C11orf87: variants seen among roughly 807,000 people sequenced by gnomAD.
The protein encoded by C11orf87 is uncharacterized protein C11orf87.
C11orf87 carries 3 observed loss-of-function variants against 9.2 expected under a neutral mutation model. That is an observed-to-expected ratio of 0.33 (90% CI 0.15 to 0.84). The LOEUF is 0.84. Ranked by LOEUF, C11orf87 falls within the 40% of genes least tolerant of loss-of-function variation. The pLI is 0.55. For synonymous variants in C11orf87, 124 were observed against 124.6 expected (o/e 1.00, Z 0.03); for missense variants, 256 against 270.7 (o/e 0.95, Z 0.38).
chr11:109,424,296 C>A lies in C11orf87; in HGVS notation c.*69C>A. 1 of 1,277,084 alleles carries A rather than the reference C, an allele frequency of 7.8e-7. No individual in the cohort carries two copies. The highest frequency in any genetic ancestry group is 1.3e-5 in the South Asian group (1 of 75,074). The allele number at this position is 1,277,084 out of a possible 1,614,324, so 79.1% of individuals were successfully genotyped here. A position where few individuals can be genotyped will look rare whatever the true frequency, so the allele number is the denominator to read the frequency against. ...TGCCACCCTTGCTTTTTTCCTTCTT[C>A]CTTCCTTTTCCATTTTCCTCTGGCC... On this transcript the variant is annotated 3_prime_UTR_variant, in exon 2 of 2. Coordinates refer to ENST00000327419, the MANE Select transcript of C11orf87 (RefSeq NM_207645.4). This position sits in a 1 kb window ranked among gnomAD's most constrained non-coding sequence, Gnocchi z 4.7.
At position 109,423,503 on chromosome 11, in the gene C11orf87, C is replaced by T; in HGVS notation, c.-131C>T. The T allele has an allele frequency of 2.1e-6, 2 of 945,236 alleles. No homozygotes were observed. The allele number at this position is 945,236 out of a possible 1,614,324, so 58.6% of individuals were successfully genotyped here. A position where few individuals can be genotyped will look rare whatever the true frequency, so the allele number is the denominator to read the frequency against. On this transcript the variant is annotated 5_prime_UTR_variant, in exon 2 of 2. Transcript: ENST00000327419. This position sits in a 1 kb window ranked among gnomAD's most constrained non-coding sequence, Gnocchi z 5.3. ...GCAGTTGCTCCCTTAGTCCTTGGCTCGCTCGCACACCCCCTCCCGCTACAG... is the reference window on the plus strand; with the variant it reads ...GCAGTTGCTCCCTTAGTCCTTGGCTTGCTCGCACACCCCCTCCCGCTACAG...
rs1860608443 is a variant in C11orf87 at position 109,429,069 on chromosome 11, G to C, written c.*4842G>C. 1 of 152,124 alleles carries C rather than the reference G, an allele frequency of 6.6e-6. No homozygotes were observed. Among genetic ancestry groups the C allele is most frequent in the Non-Finnish European group, 1.5e-5 (1 of 67,988 alleles). 9.4% of individuals were successfully genotyped at this position (152,124 alleles called of 1,614,324 possible). A position where few individuals can be genotyped will look rare whatever the true frequency, so the allele number is the denominator to read the frequency against. ...AAGAAAAAAGATATTAGAATTCATG[G>C]AAATTTTGTTTTGCTTTTCTATCAA... On this transcript the variant is annotated 3_prime_UTR_variant, in exon 2 of 2. Coordinates refer to ENST00000327419, the MANE Select transcript of C11orf87 (RefSeq NM_207645.4).
Position 109,429,016 on chromosome 11 carries a change from T to C in C11orf87, c.*4789T>C, listed in dbSNP as rs1860607689. 1 of 152,160 alleles carries C rather than the reference T, an allele frequency of 6.6e-6. No homozygotes were observed. The highest frequency in any genetic ancestry group is 1.5e-5 in the Non-Finnish European group (1 of 68,016). 9.4% of individuals were successfully genotyped at this position (152,160 alleles called of 1,614,324 possible). ...AATGATGACAACAGAAAAACTGACTTTTGAACTTGAGTATATCCAATAGAT... is the reference window on the plus strand; with the variant it reads ...AATGATGACAACAGAAAAACTGACTCTTGAACTTGAGTATATCCAATAGAT... On this transcript the variant is annotated 3_prime_UTR_variant, in exon 2 of 2. Transcript: ENST00000327419.
chr11:109,422,722 CTTTTTTT>C (rs772868114), intron 1 of C11orf87, among the ~76,000 whole-genome samples: 14 of 71,424 alleles, frequency 2.0e-4, no homozygotes, highest in Admixed American at 1.1e-3. Flanking sequence ...GCTTCAGCTG[CTTTTTTT>C]TTTTTTTTTT....
At chr11:109,422,754 G>A (rs1860509801) in intron 1 of C11orf87, among the ~76,000 whole-genome samples, 1 of 136,136 alleles carries the variant, frequency 7.3e-6, no homozygotes, top group Admixed American at 7.3e-5. Flanking sequence ...TTTTTGGAGA[G>A]GGGAGAATAC....
In C11orf87 at chr11:109,427,049, C is replaced by A. The variant is rs1236565594; in HGVS notation, c.*2822C>A. On this transcript the variant is annotated 3_prime_UTR_variant, in exon 2 of 2. Transcript: ENST00000327419. ...GCAATAATAATCCCCTTCCAAGGAG[C>A]AGCCTGTACACTCTGTGGGGGTAAT... The A allele has an allele frequency of 6.6e-6, 1 of 152,166 alleles. No homozygotes were observed. Among genetic ancestry groups the A allele is most frequent in the Non-Finnish European group, 1.5e-5 (1 of 68,020 alleles). The allele number at this position is 152,166 out of a possible 1,614,324, so 9.4% of individuals were successfully genotyped here.
intron 1 of C11orf87, 128 bp downstream of exon 1, chr11:109,422,391 C>T: frequency 6.3e-6 from 1 of 158,502 alleles, no homozygotes; most frequent in South Asian, 1.7e-4. Flanking sequence ...CCGCCCCTGC[C>T]CCCGGCCCCT....
In C11orf87 at chr11:109,424,079, T is replaced by C. The variant is rs1860536819; in HGVS notation, c.446T>C (p.Leu149Ser). The C allele has an allele frequency of 1.2e-6, 2 of 1,613,906 alleles. No individual in the cohort carries two copies. Among genetic ancestry groups the C allele is most frequent in the Non-Finnish European group, 1.7e-6 (2 of 1,179,998 alleles). Residue 149 changes from leucine to serine, a missense_variant, in exon 2 of 2, where the codon TTG (leucine) becomes TCG (serine). Physicochemically the swap from Leu to Ser is moderately radical, Grantham distance 145. Coordinates refer to ENST00000327419, the MANE Select transcript of C11orf87 (RefSeq NM_207645.4). This position sits in a 1 kb window ranked among gnomAD's most constrained non-coding sequence, Gnocchi z 4.7. ...TGCGCCCCTTCCAACGCCTCGTCGT[T>C]GTCCTCTTCGTCCCCTGGCCTCCCG... ...PFCAPSNASS[L>S]SSSSPGLPCQ...
rs1167107740 is a variant in C11orf87 at position 109,427,468 on chromosome 11, G to A, written c.*3241G>A. 8.5e-5 allele frequency: 13 copies of A among 152,144 alleles called. No individual in the cohort carries two copies. The highest frequency in any genetic ancestry group is 8.5e-4 in the Admixed American group (13 of 15,276). The allele number at this position is 152,144 out of a possible 1,614,324, so 9.4% of individuals were successfully genotyped here. On this transcript the variant is annotated 3_prime_UTR_variant, in exon 2 of 2. Transcript: ENST00000327419. ...GCAATTTGTACAGACCTTGTTTAAA[G>A]CACTGCTTCTTATAGGGCTCAATTG...
At position 109,425,526 on chromosome 11, in the gene C11orf87, G is replaced by A. The variant is rs137998996; in HGVS notation, c.*1299G>A. On this transcript the variant is annotated 3_prime_UTR_variant, in exon 2 of 2. Coordinates refer to ENST00000327419, the MANE Select transcript of C11orf87 (RefSeq NM_207645.4). ...TGAGAAATTCAGTGGTGCAGACCTG[G>A]CTTCTGCTGTTTCCAGAAGTGTTCT... The A allele has an allele frequency of 2.9e-4, 48 of 167,124 alleles. No homozygotes were observed. Among genetic ancestry groups the A allele is most frequent in the African/African-American group, 1.1e-3 (47 of 41,538 alleles). The allele number at this position is 167,124 out of a possible 1,614,324, so 10.4% of individuals were successfully genotyped here.
At position 109,424,612 on chromosome 11, in the gene C11orf87, T is replaced by G; in HGVS notation, c.*385T>G. 1 of 167,778 alleles carries G rather than the reference T, an allele frequency of 6.0e-6. No individual in the cohort carries two copies. Among genetic ancestry groups the G allele is most frequent in the Non-Finnish European group, 1.5e-5 (1 of 68,676 alleles). 10.4% of individuals were successfully genotyped at this position (167,778 alleles called of 1,614,324 possible). On this transcript the variant is annotated 3_prime_UTR_variant, in exon 2 of 2. Transcript: ENST00000327419. This position sits in a 1 kb window ranked among gnomAD's most constrained non-coding sequence, Gnocchi z 4.7. ...GAAACCGCACAAGCTACCAAATATA[T>G]AAAAGGCATTGATTCCCGGAGCAAA...
At position 109,424,320 on chromosome 11, in the gene C11orf87, C is replaced by T. The variant is rs1012893440; in HGVS notation, c.*93C>T. 3.9e-6 allele frequency: 4 copies of T among 1,013,104 alleles called. No homozygotes were observed. The Admixed American group carries it at 1.0e-4, about 26-fold the overall frequency. The allele number at this position is 1,013,104 out of a possible 1,614,324, so 62.8% of individuals were successfully genotyped here. On this transcript the variant is annotated 3_prime_UTR_variant, in exon 2 of 2. Coordinates refer to ENST00000327419, the MANE Select transcript of C11orf87 (RefSeq NM_207645.4). The surrounding 1 kb of genome is among the most constrained non-coding windows in gnomAD (Gnocchi z 4.7). ...TCCTTCCTTTTCCATTTTCCTCTGG[C>T]CCCTCTTTCCTCTTCCTGGTTTCCT...
In C11orf87 at chr11:109,423,332, T is replaced by G. The variant is rs1219438594; in HGVS notation, c.-259-43T>G. ...TTGATCTTTCCCGACAGCACTCCCC[T>G]GGGCAGCGGCCGAGATTCTAACTAA... On this transcript the variant is annotated intron_variant, in intron 1 of 1. Coordinates refer to ENST00000327419, the MANE Select transcript of C11orf87 (RefSeq NM_207645.4). The surrounding 1 kb of genome is among the most constrained non-coding windows in gnomAD (Gnocchi z 5.3). 1 of 478,442 alleles carries G rather than the reference T, an allele frequency of 2.1e-6. No individual in the cohort carries two copies. The highest frequency in any genetic ancestry group is 2.7e-5 in the South Asian group (1 of 37,346). The allele number at this position is 478,442 out of a possible 1,614,324, so 29.6% of individuals were successfully genotyped here.
Position 109,424,008 on chromosome 11 carries a change from C to T in C11orf87, c.375C>T (p.His125=). The stretch of plus-strand genomic sequence containing the variant: ...GACCTGGCAGGCAGGCCCCAACCCA[C>T]GCAAAGGAAACCCGGCTGGAGAGGC... ...LPRPGRQAPT[H]AKETRLERQP... The change falls in exon 2 of 2, where the codon CAC becomes CAT. Residue 125 remains histidine (H), a synonymous_variant. Transcript: ENST00000327419. This position sits in a 1 kb window ranked among gnomAD's most constrained non-coding sequence, Gnocchi z 4.7. 2.5e-6 allele frequency: 4 copies of T among 1,613,998 alleles called. No homozygotes were observed. Among genetic ancestry groups the T allele is most frequent in the South Asian group, 1.1e-5 (1 of 91,072 alleles).
chr11:109,428,315 C>A lies in C11orf87; in HGVS notation c.*4088C>A, dbSNP rs1375404047. ...CCATTATCTGTTTAGTTTGAGAAAT[C>A]ATTTTTGGATAATATGGATAAATTA... On this transcript the variant is annotated 3_prime_UTR_variant, in exon 2 of 2. Coordinates refer to ENST00000327419, the MANE Select transcript of C11orf87 (RefSeq NM_207645.4). 6.6e-6 allele frequency: 1 copy of A among 152,018 alleles called. No individual in the cohort carries two copies. Among genetic ancestry groups the A allele is most frequent in the East Asian group, 1.9e-4 (1 of 5,192 alleles). The allele number at this position is 152,018 out of a possible 1,614,324, so 9.4% of individuals were successfully genotyped here. A position where few individuals can be genotyped will look rare whatever the true frequency, so the allele number is the denominator to read the frequency against.
In C11orf87 at chr11:109,428,824, T is replaced by C. The variant is rs961766255; in HGVS notation, c.*4597T>C. The C allele has an allele frequency of 3.9e-5, 6 of 152,202 alleles. No individual in the cohort carries two copies. The highest frequency in any genetic ancestry group is 1.4e-4 in the African/African-American group (6 of 41,466). 9.4% of individuals were successfully genotyped at this position (152,202 alleles called of 1,614,324 possible). On this transcript the variant is annotated 3_prime_UTR_variant, in exon 2 of 2. Coordinates refer to ENST00000327419, the MANE Select transcript of C11orf87 (RefSeq NM_207645.4). ...TAATGTCTTCAACCTAATAATACAATTGGTGTCATGTATGAATGCTTAGCT... is the reference window on the plus strand; with the variant it reads ...TAATGTCTTCAACCTAATAATACAACTGGTGTCATGTATGAATGCTTAGCT...
chr11:109,423,677 C>T lies in C11orf87; in HGVS notation c.44C>T (p.Pro15Leu), dbSNP rs752552501. The change falls in exon 2 of 2, where the codon CCG becomes CTG. Residue 15 changes from proline (P) to leucine (L), a missense_variant. Transcript: ENST00000327419. This position sits in a 1 kb window ranked among gnomAD's most constrained non-coding sequence, Gnocchi z 5.3. ...AAGGAGCTGAGGCTGGCGTTGCCGC[C>T]GTGTCTCCTCAACCGGACCTTTGCT... ...APKELRLALP[P>L]CLLNRTFASP... 1.2e-6 allele frequency: 2 copies of T among 1,609,506 alleles called. No individual in the cohort carries two copies. Among genetic ancestry groups the T allele is most frequent in the East Asian group, 2.2e-5 (1 of 44,848 alleles).
chr11:109,422,575 TC>T (rs1860505794), intron 1 of C11orf87, among the ~76,000 whole-genome samples: 1 of 152,034 alleles, frequency 6.6e-6, no homozygotes, highest in Non-Finnish European at 1.5e-5. Flanking sequence ...AAGGTCCCGT[TC>T]CCCAAACTTT....
rs1414857433 is a variant in C11orf87 at position 109,426,265 on chromosome 11, A to G, written c.*2038A>G. Reference sequence around the variant, plus strand: ...GAGTCCTTACTATCCTGCAGGGTGTAAGGCAACAGTGCCCCTATGAGCATC... The same window carrying G: ...GAGTCCTTACTATCCTGCAGGGTGTGAGGCAACAGTGCCCCTATGAGCATC... On this transcript the variant is annotated 3_prime_UTR_variant, in exon 2 of 2. Coordinates refer to ENST00000327419, the MANE Select transcript of C11orf87 (RefSeq NM_207645.4). 3.9e-5 allele frequency: 6 copies of G among 152,216 alleles called. 1 individual carries two copies. The highest frequency in any genetic ancestry group is 2.0e-4 in the Admixed American group (3 of 15,286). The allele number at this position is 152,216 out of a possible 1,614,324, so 9.4% of individuals were successfully genotyped here.
Sources: gnomAD v4.1 joint callset for allele counts (sites outside exome capture counted in the v4.1 genomes callset) on GRCh38, gnomAD v4.1.1 for gene constraint, Gnocchi (gnomAD v3.1) non-coding constraint, MANE v1.5 for transcripts, NCBI Gene and HGNC (gene_info 2026-07-23, HGNC 2026-07-21) for gene names.